MAML2: variants seen among roughly 807,000 people sequenced by gnomAD.
MAML2 encodes the protein mastermind like transcriptional coactivator 2.
A neutral mutation model predicts 96.1 loss-of-function variants in MAML2; 22 were observed. That is an observed-to-expected ratio of 0.23 (90% CI 0.16 to 0.33). MAML2 has a LOEUF of 0.33. MAML2 is among the 10% of genes least tolerant of loss of function. The pLI, the probability that MAML2 is intolerant of heterozygous loss-of-function variation, is 1.00. For synonymous variants in MAML2, 561 were observed against 521.3 expected (o/e 1.08, Z -1.04); for missense variants, 1,367 against 1,392.4 (o/e 0.98, Z 0.29).
At chr11:96,093,652 A>C (rs1859775698) in intron 1 of MAML2, 135 bp from the exon 2 acceptor site, 3 of 656,408 alleles carry the variant, frequency 4.6e-6, no homozygotes, top group Non-Finnish European at 7.7e-6. Context: ...AATGGCACAG[A>C]GAGAGCACAA....
chr11:96,105,194 C>T (rs981546287), intron 1 of MAML2, among the ~76,000 whole-genome samples: 4 of 152,220 alleles, frequency 2.6e-5, no homozygotes, highest in Non-Finnish European at 5.9e-5. Flanking sequence ...ATTAATCCCA[C>T]TCTTCCACAT....
intron 2 of MAML2, among the ~76,000 whole-genome samples, chr11:96,085,963 C>T (rs1248559883): frequency 2.0e-5 from 3 of 152,292 alleles, no homozygotes; most frequent in Non-Finnish European, 4.4e-5. Context: ...AAAGAGAGTT[C>T]TATTCTGTGA....
chr11:96,265,809 C>G (rs770019878), intron 1 of MAML2, among the ~76,000 whole-genome samples: 1 of 152,328 alleles, frequency 6.6e-6, no homozygotes, highest in South Asian at 2.1e-4. Context: ...AGCGGCCCAA[C>G]TTATGGGGAA....
chr11:96,149,973 TC>T (rs1860894128), intron 1 of MAML2, among the ~76,000 whole-genome samples: 1 of 152,234 alleles, frequency 6.6e-6, no homozygotes, highest in Non-Finnish European at 1.5e-5. Flanking sequence ...TCCTGAGTCA[TC>T]ATGGCCAGTA....
chr11:96,104,098 A>G (rs963319909), intron 1 of MAML2, among the ~76,000 whole-genome samples: 1 of 151,986 alleles, frequency 6.6e-6, no homozygotes, highest in East Asian at 1.9e-4. Context: ...TTTGTTTTCC[A>G]TCTCTTGTTT....
chr11:96,274,141 G>A (rs530062125), intron 1 of MAML2, among the ~76,000 whole-genome samples: 65 of 146,762 alleles, frequency 4.4e-4, no homozygotes, highest in African/African-American at 1.6e-3. Context: ...GGAGTGCAGC[G>A]GCGCCATCTT....
chr11:96,117,539 A>G (rs951153665), intron 1 of MAML2, among the ~76,000 whole-genome samples: 7 of 152,078 alleles, frequency 4.6e-5, no homozygotes, highest in African/African-American at 1.7e-4. Flanking sequence ...AGCTCAAGCA[A>G]TCTACCTGCC....
At chr11:96,150,391 G>C (rs1156596869) in intron 1 of MAML2, among the ~76,000 whole-genome samples, 1 of 152,198 alleles carries the variant, frequency 6.6e-6, no homozygotes, top group Non-Finnish European at 1.5e-5. Flanking sequence ...AGCAGGGAGT[G>C]GGTTAGGGTG....
chr11:96,180,913 T>G (rs1296851167), intron 1 of MAML2, among the ~76,000 whole-genome samples: 1 of 150,456 alleles, frequency 6.6e-6, no homozygotes. Flanking sequence ...CAAAGGGGGT[T>G]TGTTCTCTGG....
intron 2 of MAML2, among the ~76,000 whole-genome samples, chr11:96,069,156 G>A (rs552628747): frequency 9.9e-4 from 150 of 151,902 alleles, no homozygotes; most frequent in Middle Eastern, 3.4e-3. Context: ...TGTAACTTCT[G>A]GCCTCAGGCA....
chr11:96,125,529 G>A (rs1860423863), intron 1 of MAML2, among the ~76,000 whole-genome samples: 1 of 152,154 alleles, frequency 6.6e-6, no homozygotes, highest in African/African-American at 2.4e-5. Flanking sequence ...TGGGCAAGTG[G>A]ACAGGGGAGA....
rs535878458 is a variant in MAML2, at chr11:96,192,316, C to A, written c.514-98799G>T. On this transcript the variant is annotated intron_variant, in intron 1 of 4. Coordinates refer to ENST00000524717, the MANE Select transcript of MAML2 (RefSeq NM_032427.4). Reference sequence around the variant, plus strand: ...GCAACACTTGCTAGCTCTCCAAGACCAAGTTCTTAGAATTCCCAGCTGTGA... The same window carrying A: ...GCAACACTTGCTAGCTCTCCAAGACAAAGTTCTTAGAATTCCCAGCTGTGA... Among the ~76,000 whole-genome samples, 14 of 152,298 alleles carry A rather than the reference C, an allele frequency of 9.2e-5. No individual in the cohort carries two copies. The South Asian group carries it at 2.9e-3, about 32-fold the overall frequency.
chr11:96,121,768 C>CCCAACTG (rs1457394990), intron 1 of MAML2, among the ~76,000 whole-genome samples: 1 of 93,058 alleles, frequency 1.1e-5, no homozygotes, highest in East Asian at 3.3e-4. Flanking sequence ...ATTCCATATT[C>CCCAACTG]CCAACTGCGT....
At chr11:96,245,057 G>A (rs533259941) in intron 1 of MAML2, among the ~76,000 whole-genome samples, 1 of 152,252 alleles carries the variant, frequency 6.6e-6, no homozygotes, top group Admixed American at 6.5e-5. Flanking sequence ...AAAAGCCAAT[G>A]CAACTGATAT....
At chr11:96,308,742 T>A (rs1050832767) in intron 1 of MAML2, among the ~76,000 whole-genome samples, 4 of 152,220 alleles carry the variant, frequency 2.6e-5, no homozygotes, top group Non-Finnish European at 5.9e-5. Context: ...CTAGCTATAA[T>A]AATGTATATT....
intron 1 of MAML2, among the ~76,000 whole-genome samples, chr11:96,184,034 G>A (rs1447798321): frequency 6.6e-6 from 1 of 152,212 alleles, no homozygotes; most frequent in Non-Finnish European, 1.5e-5. Flanking sequence ...GCACTCTACT[G>A]AACAGGGAGA....
At chr11:96,048,172 T>C (rs1378808230) in intron 2 of MAML2, among the ~76,000 whole-genome samples, 2 of 152,136 alleles carry the variant, frequency 1.3e-5, no homozygotes, top group East Asian at 3.9e-4. Flanking sequence ...TCAGGTGTCA[T>C]AAAAAGGTGC....
At chr11:96,091,364 CT>C (rs1859702264) in intron 2 of MAML2, among the ~76,000 whole-genome samples, 1 of 152,146 alleles carries the variant, frequency 6.6e-6, no homozygotes, top group Non-Finnish European at 1.5e-5. Context: ...TTATTTCAGG[CT>C]GATATTCGGT....
intron 1 of MAML2, among the ~76,000 whole-genome samples, chr11:96,217,299 G>A (rs975576148): frequency 2.6e-5 from 4 of 152,230 alleles, no homozygotes; most frequent in African/African-American, 4.8e-5. Flanking sequence ...AACTGCACAA[G>A]CGCAAATGCA....
Sources: allele counts gnomAD v4.1 joint callset (sites outside exome capture counted in the v4.1 genomes callset), GRCh38; gene constraint gnomAD v4.1.1; transcripts MANE v1.5; gene names NCBI Gene and HGNC (gene_info 2026-07-23, HGNC 2026-07-21).